DNM1L: variants seen among roughly 807,000 people sequenced by gnomAD.
DNM1L encodes the protein dynamin 1L, also known as dynamin-1-like protein.
Under a neutral mutation model 92.8 loss-of-function variants are expected in DNM1L, and 33 were observed. The observed-to-expected ratio is 0.36, with a 90% confidence interval of 0.27 to 0.48. DNM1L has a LOEUF of 0.48. Among genes scored for constraint, DNM1L ranks in the 20% least tolerant of loss-of-function variants. The pLI, the probability that DNM1L is intolerant of heterozygous loss-of-function variation, is 0.99. For synonymous variants in DNM1L, 284 were observed against 305.0 expected (o/e 0.93, Z 0.72); for missense variants, 485 against 888.8 (o/e 0.55, Z 5.78).
At chr12:32,726,911 AAATTCT>A (rs1172559969) in intron 9 of DNM1L, 2 of 687,258 alleles carry the variant, frequency 2.9e-6, no homozygotes, top group African/African-American at 3.6e-5. Context: ...GTTCAAATTG[AAATTCT>A]AAGACAAAAC....
intron 1 of DNM1L, among the ~76,000 whole-genome samples, chr12:32,691,653 T>C (rs1038342741): frequency 1.3e-5 from 2 of 152,150 alleles, no homozygotes; most frequent in African/African-American, 4.8e-5. Flanking sequence ...AAGACACAAT[T>C]AAGTCTGTTA....
intron 9 of DNM1L, chr12:32,727,483 C>T: frequency 5.1e-6 from 3 of 591,828 alleles, no homozygotes. Context: ...AGAGGCAGCA[C>T]TGCAAGCAGA....
intron 13 of DNM1L, 78 bp from the exon 14 acceptor site, chr12:32,737,027 C>G: frequency 6.7e-7 from 1 of 1,483,856 alleles, no homozygotes; most frequent in Admixed American, 1.7e-5. Flanking sequence ...CCACACTTTT[C>G]AATTAACATG....
In DNM1L at chr12:32,679,314, C is replaced by G; in HGVS notation, c.-50C>G. Reference sequence around the variant, plus strand: ...AGGAGGCGAACTGTGGGCCCCGGCCCCATTCATTGCCGTGGCCGGCGGGCA... The same window carrying G: ...AGGAGGCGAACTGTGGGCCCCGGCCGCATTCATTGCCGTGGCCGGCGGGCA... On this transcript the variant is annotated 5_prime_UTR_variant, in exon 1 of 20. Transcript: ENST00000549701. 2 of 1,283,230 alleles carry G rather than the reference C, an allele frequency of 1.6e-6. No individual in the cohort carries two copies. The highest frequency in any genetic ancestry group is 1.5e-5 in the African/African-American group (1 of 68,640). 79.5% of individuals were successfully genotyped at this position (1,283,230 alleles called of 1,614,324 possible).
chr12:32,741,431 G>A (rs1435134755), intron 18 of DNM1L, among the ~76,000 whole-genome samples: 1 of 152,160 alleles, frequency 6.6e-6, no homozygotes, highest in Non-Finnish European at 1.5e-5. Context: ...GATAACAGGT[G>A]TGCACCACCA....
chr12:32,727,447 GGCA>G, intron 9 of DNM1L: 1 of 682,542 alleles, frequency 1.5e-6, no homozygotes, highest in Non-Finnish European at 2.7e-6. Flanking sequence ...AGTGACTCAG[GGCA>G]GCAGTGGTGG....
intron 14 of DNM1L, 91 bp from the exon 15 acceptor site, chr12:32,737,774 A>G: frequency 4.1e-6 from 4 of 974,200 alleles, no homozygotes; most frequent in African/African-American, 1.6e-5. Context: ...TTACGATTTC[A>G]TTACAGAAGG....
chr12:32,685,510 G>A (rs1951973930), intron 1 of DNM1L, among the ~76,000 whole-genome samples: 2 of 151,934 alleles, frequency 1.3e-5, no homozygotes, highest in African/African-American at 4.8e-5. Flanking sequence ...ACAGGTGCCC[G>A]CCACTACTGC....
At chr12:32,723,409 G>A (rs1953896225) in intron 9 of DNM1L, among the ~76,000 whole-genome samples, 1 of 152,044 alleles carries the variant, frequency 6.6e-6, no homozygotes, top group Admixed American at 6.6e-5. Context: ...TTAAAAATGG[G>A]ATTCTGGCCA....
chr12:32,717,637 C>T (rs185110381), intron 6 of DNM1L, among the ~76,000 whole-genome samples: 7,195 of 76,204 alleles, frequency 0.094, 686 homozygotes, highest in African/African-American at 0.17. Flanking sequence ...ATAAAAAATA[C>T]ATATACCTAG....
intron 18 of DNM1L, among the ~76,000 whole-genome samples, chr12:32,741,449 C>G (rs1369216346): frequency 6.6e-6 from 1 of 152,142 alleles, no homozygotes; most frequent in Non-Finnish European, 1.5e-5. Flanking sequence ...CCATGCCCAG[C>G]TAATTTTTGT....
At chr12:32,737,448 G>A (rs1335756549) in intron 14 of DNM1L, 1 of 427,086 alleles carries the variant, frequency 2.3e-6, no homozygotes, top group Non-Finnish European at 4.2e-6. Flanking sequence ...TATCAACTTT[G>A]CACATAGCTG....
chr12:32,707,041 A>G (rs548832218), intron 2 of DNM1L: 1 of 260,988 alleles, frequency 3.8e-6, no homozygotes, highest in Non-Finnish European at 7.3e-6. Flanking sequence ...TTTTACTGTA[A>G]TATAACTACA....
intron 7 of DNM1L, among the ~76,000 whole-genome samples, chr12:32,719,507 G>T (rs11052202): frequency 0.38 from 57,477 of 151,552 alleles, 13,236 homozygotes; most frequent in African/African-American, 0.65. Context: ...TGGAGAAATT[G>T]TATTAAAGGT....
intron 6 of DNM1L, among the ~76,000 whole-genome samples, chr12:32,714,336 G>A (rs1286954307): frequency 6.8e-6 from 1 of 147,800 alleles, no homozygotes; most frequent in Non-Finnish European, 1.5e-5. Context: ...GCAGTGGCGC[G>A]ATCTCGGTTC....
intron 6 of DNM1L, 151 bp from the exon 7 acceptor site, chr12:32,718,492 C>T (rs1953654110): frequency 2.1e-6 from 2 of 951,954 alleles, no homozygotes; most frequent in Admixed American, 4.5e-5. Flanking sequence ...TTTAAAAAAG[C>T]ACTGGTAAGT....
chr12:32,683,628 T>C (rs971901132), intron 1 of DNM1L, among the ~76,000 whole-genome samples: 1 of 152,138 alleles, frequency 6.6e-6, no homozygotes, highest in Admixed American at 6.6e-5. Flanking sequence ...CACTGCAACC[T>C]CCGCTTCCCG....
In DNM1L at chr12:32,699,618, A is replaced by ATTC. The variant is rs1388890249; in HGVS notation, c.103-1797_103-1796insTTC. Among the ~76,000 whole-genome samples, 8 of 152,072 alleles carry ATTC rather than the reference A, an allele frequency of 5.3e-5. No individual in the cohort carries two copies. In the East Asian group the frequency reaches 1.6e-3, roughly 29 times the overall value. On this transcript the variant is annotated intron_variant, in intron 1 of 19. Coordinates refer to ENST00000549701, the MANE Select transcript of DNM1L (RefSeq NM_012062.5). Reference sequence around the variant, plus strand: ...TGAAACCAGCCTGGCGCACATGGTGAAACCCTGTCTCTACTAAAAATACAA... The same window carrying ATTC: ...TGAAACCAGCCTGGCGCACATGGTGATTCAACCCTGTCTCTACTAAAAATACAA...
rs1279047930 is a variant in DNM1L, at chr12:32,744,865, T to G, written c.*1455T>G. 1 of 503,332 alleles carries G rather than the reference T, an allele frequency of 2.0e-6. No homozygotes were observed. The highest frequency in any genetic ancestry group is 5.5e-5 in the East Asian group (1 of 18,058). The allele number at this position is 503,332 out of a possible 1,614,324, so 31.2% of individuals were successfully genotyped here. A position where few individuals can be genotyped will look rare whatever the true frequency, so the allele number is the denominator to read the frequency against. On this transcript the variant is annotated 3_prime_UTR_variant, in exon 20 of 20. Transcript: ENST00000549701. ...TGATTCTTGGTATGAACGACTATAT[T>G]ATAAATTTTAAGATGTACTTAGAAA... is the stretch of plus-strand genomic sequence containing the variant.
Sources: allele counts gnomAD v4.1 joint callset (sites outside exome capture counted in the v4.1 genomes callset), GRCh38; gene constraint gnomAD v4.1.1; transcripts MANE v1.5; gene names NCBI Gene and HGNC (gene_info 2026-07-23, HGNC 2026-07-21).